MAX: variants seen among roughly 807,000 people sequenced by gnomAD.
MAX encodes the protein protein max.
MAX carries 3 observed loss-of-function variants against 22.3 expected under a neutral mutation model. That is an observed-to-expected ratio of 0.13 (90% CI 0.06 to 0.35). The LOEUF is 0.35. Among genes scored for constraint, MAX ranks in the 10% least tolerant of loss-of-function variants. MAX has a pLI of 1.00. For synonymous variants in MAX, 72 were observed against 77.7 expected, an observed-to-expected ratio of 0.93 and a Z score of 0.39; for missense variants, 119 against 209.4, an observed-to-expected ratio of 0.57 and a Z score of 2.66.
chr14:65,087,920 C>A (rs55658675), intron 3 of MAX, among the ~76,000 whole-genome samples: 1 of 151,880 alleles, frequency 6.6e-6, no homozygotes, highest in East Asian at 1.9e-4. Context: ...AATTGAATCA[C>A]GGGGACAGGT....
At chr14:65,006,156 C>CTTT (rs367570902), downstream of MAX, 1,380 of 1,498,822 alleles carry the variant, frequency 9.2e-4, 3 homozygotes, top group African/African-American at 2.1e-3. Flanking sequence ...ACCTTTGTGT[C>CTTT]TTTTTTTTTT....
Position 65,031,980 on chromosome 14 carries a change from G to A in MAX, c.172-25696C>T, listed in dbSNP as rs1333178193. ...TAGACGTGCGCCTTTTTCATTTAAC[G>A]TGTGTGTGTGTGTGTGTGTGTGTGT... On this transcript the variant is annotated intron_variant, in intron 3 of 3. Transcript: ENST00000341653. The surrounding 1 kb of genome is among the most constrained non-coding windows in gnomAD (Gnocchi z 4.6). 1.7e-4 allele frequency among the ~76,000 whole-genome samples: 5 copies of A among 28,918 alleles called. No homozygotes were observed. The East Asian group carries it at 2.0e-3, about 11-fold the overall frequency. The allele number at this position is 28,918 out of a possible 152,430, so 19.0% of individuals were successfully genotyped here. A position where few individuals can be genotyped will look rare whatever the true frequency, so the allele number is the denominator to read the frequency against.
chr14:65,038,567 A>G (rs1481326149), intron 3 of MAX, among the ~76,000 whole-genome samples: 4 of 137,138 alleles, frequency 2.9e-5, no homozygotes, highest in African/African-American at 5.5e-5. Context: ...AAAATACAAA[A>G]ATTAGCCGGG....
At chr14:65,020,354 C>G (rs2061861254) in intron 3 of MAX, among the ~76,000 whole-genome samples, 1 of 152,220 alleles carries the variant, frequency 6.6e-6, no homozygotes, top group Admixed American at 6.5e-5. Flanking sequence ...CTCAATTGAT[C>G]CTCCTGCCTT....
rs1207422102 is a variant in MAX at position 65,032,117 on chromosome 14, T to C, written c.172-25833A>G. ...CCTGTTCCTATCCTTGTTTGATCTATTACAATTTGGTGGCCTGTTTTGCAG... is the reference window on the plus strand; with the variant it reads ...CCTGTTCCTATCCTTGTTTGATCTACTACAATTTGGTGGCCTGTTTTGCAG... On this transcript the variant is annotated intron_variant, in intron 3 of 3. Transcript: ENST00000341653. The surrounding 1 kb of genome is among the most constrained non-coding windows in gnomAD (Gnocchi z 5.0). 1.3e-5 allele frequency among the ~76,000 whole-genome samples: 2 copies of C among 152,026 alleles called. No individual in the cohort carries two copies. The highest frequency in any genetic ancestry group is 4.8e-5 in the African/African-American group (2 of 41,382).
At chr14:65,055,841 A>C (rs76233722) in intron 3 of MAX, among the ~76,000 whole-genome samples, 4,218 of 152,260 alleles carry the variant, frequency 0.028, 81 homozygotes, top group Middle Eastern at 0.088. Flanking sequence ...TTTAATTGGG[A>C]AACATTTCAA....
In MAX at chr14:65,086,738, T is replaced by C. The variant is rs919217100; in HGVS notation, c.171+6970A>G. Among the ~76,000 whole-genome samples the C allele has an allele frequency of 2.6e-5, 4 of 152,138 alleles. No individual in the cohort carries two copies. The South Asian group carries it at 8.3e-4, about 31-fold the overall frequency. On this transcript the variant is annotated intron_variant, in intron 3 of 4. Coordinates refer to ENST00000358664, the MANE Select transcript of MAX (RefSeq NM_002382.5). Reference sequence around the variant, plus strand: ...TCAGAAAATTTGTAGCCTGACAATGTGATAGAAAAGAAAATCCCATTTTCT... The same window carrying C: ...TCAGAAAATTTGTAGCCTGACAATGCGATAGAAAAGAAAATCCCATTTTCT...
rs2061735211 is a variant in MAX, at chr14:65,014,466, G to A, written c.172-8182C>T. Among the ~76,000 whole-genome samples the A allele has an allele frequency of 6.6e-6, 1 of 152,126 alleles. No homozygotes were observed. Among genetic ancestry groups the A allele is most frequent in the Non-Finnish European group, 1.5e-5 (1 of 68,038 alleles). ...ATGAGGTAACTTATATGTCTGTCCA[G>A]TGCTCTCTTCCCCTACAGGTAACCA... On this transcript the variant is annotated intron_variant, in intron 3 of 3. Transcript: ENST00000341653. This position sits in a 1 kb window ranked among gnomAD's most constrained non-coding sequence, Gnocchi z 5.1.
chr14:65,015,883 A>G, intron 3 of MAX, among the ~76,000 whole-genome samples: 1 of 152,226 alleles, frequency 6.6e-6, no homozygotes, highest in East Asian at 1.9e-4. Context: ...CCTCCACTTT[A>G]GAAAACTAAT....
chr14:65,039,310 A>G lies in MAX; in HGVS notation c.172-33026T>C, dbSNP rs376751553. On this transcript the variant is annotated intron_variant, in intron 3 of 3. Coordinates refer to the MAX transcript ENST00000341653. Reference sequence around the variant, plus strand: ...TACACAGAGGAATGGGGCTGGGGGTATTGTGTTGAGATTACTGACTCTCAC... The same window carrying G: ...TACACAGAGGAATGGGGCTGGGGGTGTTGTGTTGAGATTACTGACTCTCAC... Among the ~76,000 whole-genome samples, 506 of 152,258 alleles carry G rather than the reference A, an allele frequency of 3.3e-3. 22 individuals are homozygous for G. The South Asian group carries it at 0.093, about 28-fold the overall frequency.
Position 65,007,972 on chromosome 14 carries a change from C to T in MAX, c.172-1688G>A, listed in dbSNP as rs1194577294. ...CCAGAATACTCTGAGTTAAAGTCCT[C>T]AAAGCAGGTCTCTCACAGGCACCAG... On this transcript the variant is annotated intron_variant, in intron 3 of 3. Transcript: ENST00000341653. This position sits in a 1 kb window ranked among gnomAD's most constrained non-coding sequence, Gnocchi z 4.9. 6.6e-6 allele frequency among the ~76,000 whole-genome samples: 1 copy of T among 152,174 alleles called. No homozygotes were observed. Among genetic ancestry groups the T allele is most frequent in the Non-Finnish European group, 1.5e-5 (1 of 68,040 alleles).
intron 2 of MAX, among the ~76,000 whole-genome samples, chr14:65,100,637 C>T (rs2063804473): frequency 1.3e-5 from 2 of 152,040 alleles, no homozygotes; most frequent in Non-Finnish European, 1.5e-5. Context: ...AACTTTTTAC[C>T]CCCATTCTAT....
At chr14:65,015,695 T>G (rs762103979) in intron 3 of MAX, 17 of 1,614,024 alleles carry the variant, frequency 1.1e-5, no homozygotes, top group Non-Finnish European at 8.5e-7. Flanking sequence ...GATGAACCCA[T>G]CCCCCAGATA....
In MAX at chr14:65,055,504, A is replaced by T. The variant is rs193146532; in HGVS notation, c.171+38204T>A. ...TAACCTTCCTTTTTTGTTTAAAAAAATTTTTTTTTTAATTTTTAATTTTTT... is the reference window on the plus strand; with the variant it reads ...TAACCTTCCTTTTTTGTTTAAAAAATTTTTTTTTTTAATTTTTAATTTTTT... On this transcript the variant is annotated intron_variant, in intron 3 of 3. Coordinates refer to the MAX transcript ENST00000341653. Among the ~76,000 whole-genome samples the T allele has an allele frequency of 2.8e-3, 423 of 151,454 alleles. 4 individuals carry two copies. The East Asian group carries it at 0.032, about 12-fold the overall frequency.
chr14:65,087,777 T>G (rs139333427), intron 3 of MAX, among the ~76,000 whole-genome samples: 2 of 152,042 alleles, frequency 1.3e-5, no homozygotes, highest in African/African-American at 2.4e-5. Context: ...CAAGGCACGA[T>G]TGGTTTTGAA....
At position 65,027,779 on chromosome 14, in the gene MAX, G is replaced by A; in HGVS notation, c.172-21495C>T. The A allele has an allele frequency of 6.2e-7, 1 of 1,614,162 alleles. No individual in the cohort carries two copies. Among genetic ancestry groups the A allele is most frequent in the Non-Finnish European group, 8.5e-7 (1 of 1,180,030 alleles). The stretch of plus-strand genomic sequence containing the variant: ...TGCATGTCGGAGGTGAGGTGGATGT[G>A]AGGTGAGTGGGGTTTTGCACAGGCT... On this transcript the variant is annotated intron_variant, in intron 3 of 3. Coordinates refer to the MAX transcript ENST00000341653. The surrounding 1 kb of genome is among the most constrained non-coding windows in gnomAD (Gnocchi z 5.7).
In MAX at chr14:65,028,776, G is replaced by A. The variant is rs1443362580; in HGVS notation, c.172-22492C>T. On this transcript the variant is annotated intron_variant, in intron 3 of 3. Transcript: ENST00000341653. The surrounding 1 kb of genome is among the most constrained non-coding windows in gnomAD (Gnocchi z 4.4). ...CCAGTAGAACGACTGAGGTAAATCA[G>A]TATGTGTTGATTCTTCTTAAGGAAA... Among the ~76,000 whole-genome samples the A allele has an allele frequency of 6.6e-6, 1 of 152,208 alleles. No homozygotes were observed. The highest frequency in any genetic ancestry group is 6.5e-5 in the Admixed American group (1 of 15,284).
chr14:65,069,146 A>G lies in MAX; in HGVS notation c.171+24562T>C, dbSNP rs2062961131. Among the ~76,000 whole-genome samples, 1 of 152,080 alleles carries G rather than the reference A, an allele frequency of 6.6e-6. No homozygotes were observed. Among genetic ancestry groups the G allele is most frequent in the African/African-American group, 2.4e-5 (1 of 41,396 alleles). Reference sequence around the variant, plus strand: ...CTCACTCTCTGGAGCAGTGGCTGCCATGTGCCTGGATACCAAGGGACCAGT... The same window carrying G: ...CTCACTCTCTGGAGCAGTGGCTGCCGTGTGCCTGGATACCAAGGGACCAGT... On this transcript the variant is annotated intron_variant, in intron 3 of 3. Coordinates refer to the MAX transcript ENST00000341653. This position sits in a 1 kb window ranked among gnomAD's most constrained non-coding sequence, Gnocchi z 4.6.
At position 65,100,290 on chromosome 14, in the gene MAX, A is replaced by G. The variant is rs1308368241; in HGVS notation, c.63+1256T>C. 2.0e-5 allele frequency among the ~76,000 whole-genome samples: 3 copies of G among 152,082 alleles called. No individual in the cohort carries two copies. The East Asian group carries it at 5.8e-4, about 29-fold the overall frequency. On this transcript the variant is annotated intron_variant, in intron 2 of 4. Coordinates refer to ENST00000358664, the MANE Select transcript of MAX (RefSeq NM_002382.5). ...CATGGTGAAACCCCGTCTCTACTAAAAATACAAAAATTAGCTGGGTGTGGT... is the reference window on the plus strand; with the variant it reads ...CATGGTGAAACCCCGTCTCTACTAAGAATACAAAAATTAGCTGGGTGTGGT...
Sources: gnomAD v4.1 joint callset for allele counts (sites outside exome capture counted in the v4.1 genomes callset) on GRCh38, gnomAD v4.1.1 for gene constraint, Gnocchi (gnomAD v3.1) non-coding constraint, MANE v1.5 for transcripts, NCBI Gene and HGNC (gene_info 2026-07-23, HGNC 2026-07-21) for gene names.